The following SH3D21 variants were observed in gnomAD, a reference collection of about 807,000 sequenced individuals.
The protein encoded by SH3D21 is SH3 domain-containing protein 21.
Under a neutral mutation model 82.1 loss-of-function variants are expected in SH3D21, and 83 were observed. That is an observed-to-expected ratio of 1.01 (90% CI 0.85 to 1.21). SH3D21 has a LOEUF of 1.21. Among genes scored for constraint, SH3D21 ranks in the 50% most tolerant of loss-of-function variants. The pLI, the probability that SH3D21 is intolerant of heterozygous loss-of-function variation, is 0.00. For synonymous variants in SH3D21, 383 were observed against 387.8 expected, an observed-to-expected ratio of 0.99 and a Z score of 0.15; for missense variants, 980 against 962.1, an observed-to-expected ratio of 1.02 and a Z score of -0.25.
chr1:36,324,904 A>G (rs1158674320), downstream of SH3D21: 4 of 152,218 alleles, frequency 2.6e-5, no homozygotes, highest in African/African-American at 9.7e-5. Flanking sequence ...TATGCCTAGC[A>G]CTTCCTAGTC....
downstream of SH3D21, chr1:36,323,170 C>A: frequency 2.1e-6 from 2 of 955,380 alleles, no homozygotes; most frequent in Non-Finnish European, 1.5e-6. Context: ...AGGTTCCACC[C>A]TGGAGAGAGC....
At position 36,307,959 on chromosome 1, in the gene SH3D21, G is replaced by A; in HGVS notation, c.534G>A (p.Gln178=). 4 of 1,551,684 alleles carry A rather than the reference G, an allele frequency of 2.6e-6. No individual in the cohort carries two copies. Among genetic ancestry groups the A allele is most frequent in the Non-Finnish European group, 3.5e-6 (4 of 1,147,010 alleles). The change falls in exon 7 of 16, where the codon CAG becomes CAA. Residue 178 remains glutamine (Q), a synonymous_variant. Coordinates refer to ENST00000453908, the MANE Select transcript of SH3D21 (RefSeq NM_001162530.2). The surrounding 1 kb of genome is among the most constrained non-coding windows in gnomAD (Gnocchi z 5.4). The part of the protein sequence containing the change: ...LAYDSPPDYL[Q]TVSHPEVYRV... ...ATGACAGCCCTCCAGACTACCTGCA[G>A]ACAGGTGAGCACCCATCCAAAGGGT... is the stretch of plus-strand genomic sequence containing the variant.
At position 36,306,509 on chromosome 1, in the gene SH3D21, T is replaced by G. The variant is rs1253835635; in HGVS notation, c.4+85T>G. 1 of 1,304,320 alleles carries G rather than the reference T, an allele frequency of 7.7e-7. No homozygotes were observed. The highest frequency in any genetic ancestry group is 1.0e-6 in the Non-Finnish European group (1 of 988,638). 80.8% of individuals were successfully genotyped at this position (1,304,320 alleles called of 1,614,324 possible). On this transcript the variant is annotated intron_variant, in intron 1 of 15. Transcript: ENST00000453908. The surrounding 1 kb of genome is among the most constrained non-coding windows in gnomAD (Gnocchi z 4.5). The stretch of plus-strand genomic sequence containing the variant: ...CACCACCCCCCGACCCCCGCTGCCC[T>G]CTACGGTGCTTGGGGACACGCCCGC...
At chr1:36,318,743 A>G (rs570940733) in intron 10 of SH3D21, among the ~76,000 whole-genome samples, 2 of 152,090 alleles carry the variant, frequency 1.3e-5, no homozygotes, top group South Asian at 2.1e-4. Context: ...CATCTCTACT[A>G]AAAATACAAA....
rs141942362 is a variant in SH3D21, at chr1:36,320,543, A to C, written c.1880A>C (p.Glu627Ala). ...LPKEGVASKE[E>A]VTLKEELPPK... ...AAAGAGGGAGTGGCTTCCAAAGAGG[A>C]GGTGACCCTGAAAGAGGAATTGCCC... The change falls in exon 14 of 16, where the codon GAG (glutamate) becomes GCG (alanine). Residue 627 changes from glutamate to alanine, a missense_variant. Physicochemically the swap from Glu to Ala is moderately radical, Grantham distance 107 (BLOSUM62 -1). Coordinates refer to ENST00000453908, the MANE Select transcript of SH3D21 (RefSeq NM_001162530.2). 312 of 1,614,114 alleles carry C rather than the reference A, an allele frequency of 1.9e-4. 1 individual carries two copies. The African/African-American group carries it at 3.9e-3, about 20-fold the overall frequency.
At position 36,320,784 on chromosome 1, in the gene SH3D21, G is replaced by A. The variant is rs1321796007; in HGVS notation, c.2121G>A (p.Met707Ile). ...VESLRRALEL[M>I]EVQLERKLTD... ...CTCTAAGGAGGGCGCTGGAGCTGAT[G>A]GAGGTGCAGCTGGAGTGAGTGGGCA... Residue 707 changes from methionine (M) to isoleucine (I), a missense_variant, in exon 14 of 16, where the codon ATG becomes ATA. Transcript: ENST00000453908. 1 of 1,572,554 alleles carries A rather than the reference G, an allele frequency of 6.4e-7. No homozygotes were observed. The highest frequency in any genetic ancestry group is 1.2e-5 in the South Asian group (1 of 86,834).
downstream of SH3D21, chr1:36,322,396 G>T (rs759529228): frequency 1.9e-6 from 3 of 1,598,516 alleles, no homozygotes; most frequent in East Asian, 2.2e-5. Context: ...CAGATCTCCC[G>T]CAGGATCCGT....
intron 10 of SH3D21, among the ~76,000 whole-genome samples, chr1:36,313,764 T>C (rs1416688049): frequency 1.3e-5 from 2 of 151,640 alleles, no homozygotes; most frequent in African/African-American, 2.4e-5. Context: ...AAGGTCTTGC[T>C]ATGTTGCCCA....
chr1:36,322,369 C>G (rs199975369), downstream of SH3D21: 3,908 of 1,589,702 alleles, frequency 2.5e-3, 9 homozygotes, highest in South Asian at 4.2e-3. Context: ...CCCAGCAGGT[C>G]CGGCTGCCCG....
chr1:36,316,755 TTC>T (rs1320408360), intron 10 of SH3D21, among the ~76,000 whole-genome samples: 2 of 139,346 alleles, frequency 1.4e-5, no homozygotes, highest in Non-Finnish European at 3.1e-5. Context: ...CTGGCTTCAG[TTC>T]TCTCTCTTTT....
At chr1:36,308,553 G>A (rs1646177141) in intron 9 of SH3D21, 78 bp downstream of exon 9, 17 of 1,204,372 alleles carry the variant, frequency 1.4e-5, no homozygotes, top group East Asian at 2.6e-5. Flanking sequence ...GCACTCTCCG[G>A]ACCTAGCTGG....
chr1:36,319,686 C>T lies in SH3D21; in HGVS notation c.1023C>T (p.His341=), dbSNP rs773452875. ...TCCCATCACGGCAGGAGGAAGAGCA[C>T]AGCAGCCCGGTAAAGGCCCCCTCTG... ...QRSVSSQEEE[H]SSPVKAPSVK... Residue 341 remains histidine (H), a synonymous_variant, in exon 14 of 16, where the codon CAC becomes CAT. Coordinates refer to ENST00000453908, the MANE Select transcript of SH3D21 (RefSeq NM_001162530.2). 3.8e-6 allele frequency: 6 copies of T among 1,587,758 alleles called. No homozygotes were observed. In the Middle Eastern group the frequency reaches 8.4e-4, roughly 223 times the overall value.
downstream of SH3D21, among the ~76,000 whole-genome samples, chr1:36,325,632 C>G (rs2124710526): frequency 6.6e-6 from 1 of 152,168 alleles, no homozygotes; most frequent in East Asian, 1.9e-4. Flanking sequence ...GCAAGCTCTG[C>G]CTCCCAGGTT....
chr1:36,311,984 G>A (rs1024816734), intron 10 of SH3D21, among the ~76,000 whole-genome samples: 9 of 150,382 alleles, frequency 6.0e-5, no homozygotes, highest in Non-Finnish European at 1.2e-4. Context: ...TGTCAGCCAC[G>A]GTGCCTGGCT....
chr1:36,308,900 G>C (rs1238141168), intron 9 of SH3D21, among the ~76,000 whole-genome samples: 1 of 151,272 alleles, frequency 6.6e-6, no homozygotes, highest in Non-Finnish European at 1.5e-5. Flanking sequence ...GCAGTGAGCC[G>C]AGATTGTGCC....
At chr1:36,308,060 G>T (rs900165571) in intron 7 of SH3D21, 49 bp from the exon 8 acceptor site, 35 of 1,546,846 alleles carry the variant, frequency 2.3e-5, no homozygotes, top group Non-Finnish European at 3.1e-5. Flanking sequence ...GGCTGCTGAT[G>T]GATGGGGGAG....
chr1:36,309,996 C>T (rs1646206257), intron 10 of SH3D21, among the ~76,000 whole-genome samples: 1 of 152,040 alleles, frequency 6.6e-6, no homozygotes, highest in Non-Finnish European at 1.5e-5. Context: ...ACTCTGTCGC[C>T]CAGACTGGAG....
At chr1:36,312,605 G>A (rs1054925855) in intron 10 of SH3D21, among the ~76,000 whole-genome samples, 1 of 152,094 alleles carries the variant, frequency 6.6e-6, no homozygotes. Context: ...ATTTCATTTT[G>A]TTAATTTATT....
At chr1:36,322,796 C>T, downstream of SH3D21, 1 of 1,510,640 alleles carries the variant, frequency 6.6e-7, no homozygotes, top group Admixed American at 2.0e-5. Flanking sequence ...CGAAAGACCC[C>T]AGGTTCTAGG....
Sources: gnomAD v4.1 joint callset for allele counts (sites outside exome capture counted in the v4.1 genomes callset) on GRCh38, gnomAD v4.1.1 for gene constraint, Gnocchi (gnomAD v3.1) non-coding constraint, MANE v1.5 for transcripts, NCBI Gene and HGNC (gene_info 2026-07-23, HGNC 2026-07-21) for gene names.